The following ITGAM variants were observed in gnomAD, a reference collection of about 807,000 sequenced individuals.
The protein encoded by ITGAM is integrin alpha-M.
A neutral mutation model predicts 137.5 loss-of-function variants in ITGAM; 79 were observed. The observed-to-expected ratio is 0.57, with a 90% CI of 0.48 to 0.69. The LOEUF (loss-of-function observed/expected upper bound fraction) is 0.69, where lower values mean the gene tolerates loss of function less well. Among genes scored for constraint, ITGAM ranks in the 30% least tolerant of loss-of-function variants. The pLI is 0.00. For synonymous variants in ITGAM, 583 were observed against 592.3 expected (o/e 0.98, Z 0.23); for missense variants, 1,343 against 1,483.5 (o/e 0.91, Z 1.56).
At chr16:31,280,520 A>G (rs2079956963) in intron 12 of ITGAM, among the ~76,000 whole-genome samples, 1 of 152,168 alleles carries the variant, frequency 6.6e-6, no homozygotes, top group Non-Finnish European at 1.5e-5. Context: ...GAGTTCACTC[A>G]TGATTTAGCT....
chr16:31,302,584 G>A (rs2144402460), intron 14 of ITGAM, among the ~76,000 whole-genome samples: 1 of 151,110 alleles, frequency 6.6e-6, no homozygotes, highest in African/African-American at 2.4e-5. Context: ...GCCCAGGATG[G>A]AGTGCAGTGG....
rs775845981 is a variant in ITGAM at position 31,328,160 on chromosome 16, C to G, written c.2722C>G (p.Pro908Ala). The G allele has an allele frequency of 6.2e-7, 1 of 1,613,742 alleles. No individual in the cohort carries two copies. Among genetic ancestry groups the G allele is most frequent in the South Asian group, 1.1e-5 (1 of 91,082 alleles). ...CTTTCCCTCCAGTGAGAACAACATG[C>G]CCAGAACCAACAAAACCGAATTCCA... ...KANVTSENNMPRTNKTEFQLE... is the reference protein window; with the variant it reads ...KANVTSENNMARTNKTEFQLE... Residue 908 changes from proline (P) to alanine (A), a missense_variant, in exon 23 of 30, where the codon CCC (proline) becomes GCC (alanine). Physicochemically the swap from Pro to Ala is conservative, Grantham distance 27. Transcript: ENST00000544665.
chr16:31,330,704 A>G, intron 28 of ITGAM, 99 bp downstream of exon 28: 6 of 817,444 alleles, frequency 7.3e-6, no homozygotes, highest in Non-Finnish European at 1.1e-5. Context: ...AGAGGGAGAG[A>G]GAGAGACAGA....
At position 31,297,969 on chromosome 16, in the gene ITGAM, CTGTCCT is replaced by C; in HGVS notation, c.1707+20_1707+25del. On this transcript the variant is annotated intron_variant, in intron 14 of 29. Transcript: ENST00000544665. The stretch of plus-strand genomic sequence containing the variant: ...CCCATAGCCAGGTGAGACCTGGTCA[CTGTCCT>C]TGTCATGACAGTAGCCTCTTTGTTG... 1.3e-6 allele frequency: 2 copies of C among 1,596,992 alleles called. No individual in the cohort carries two copies. The highest frequency in any genetic ancestry group is 1.7e-6 in the Non-Finnish European group (2 of 1,164,620).
intron 19 of ITGAM, 21 bp from the exon 20 acceptor site, chr16:31,325,242 C>T (rs1202116484): frequency 8.1e-6 from 13 of 1,601,802 alleles, no homozygotes; most frequent in Non-Finnish European, 1.0e-5. Context: ...CATCCCCCGG[C>T]CTGTCTTCTT....
At position 31,297,696 on chromosome 16, in the gene ITGAM, G is replaced by A. The variant is rs1246459463; in HGVS notation, c.1497+42G>A. On this transcript the variant is annotated intron_variant, in intron 13 of 29. Coordinates refer to ENST00000544665, the MANE Select transcript of ITGAM (RefSeq NM_000632.4). ...CCTGGGCTGGGTGGGGCCCGGTGTG[G>A]GTGGAGGGGTCGCCTGGGTTGGGGC... 8 of 1,601,926 alleles carry A rather than the reference G, an allele frequency of 5.0e-6. No homozygotes were observed. In the Admixed American group the frequency reaches 9.0e-5, roughly 18 times the overall value.
Position 31,273,355 on chromosome 16 carries a change from T to A in ITGAM, c.705-10T>A. 1 of 1,612,160 alleles carries A rather than the reference T, an allele frequency of 6.2e-7. No individual in the cohort carries two copies. The highest frequency in any genetic ancestry group is 8.5e-7 in the Non-Finnish European group (1 of 1,179,044). The stretch of plus-strand genomic sequence containing the variant: ...TGCATTTGACTTTGTCCCTCCTGTT[T>A]CCTGCACAGACGAGAGCTGTTTAAC... On this transcript the variant is annotated splice_polypyrimidine_tract_variant and intron_variant, in intron 7 of 29. Transcript: ENST00000544665.
At chr16:31,265,727 G>A (rs1485801263) in intron 3 of ITGAM, 84 bp from the exon 4 acceptor site, 13 of 1,168,066 alleles carry the variant, frequency 1.1e-5, no homozygotes, top group Admixed American at 8.5e-5. Flanking sequence ...CTTGTCTCCC[G>A]CATGGAGGTG....
intron 12 of ITGAM, among the ~76,000 whole-genome samples, chr16:31,291,386 C>A (rs955961797): frequency 6.6e-6 from 1 of 152,104 alleles, no homozygotes; most frequent in African/African-American, 2.4e-5. Flanking sequence ...GTGGTAGTTC[C>A]ATTTTTAGTT....
intron 21 of ITGAM, 53 bp downstream of exon 21, chr16:31,325,675 C>A (rs1349421451): frequency 1.3e-6 from 2 of 1,579,140 alleles, no homozygotes; most frequent in African/African-American, 1.4e-5. Flanking sequence ...TTTGGGGATT[C>A]TTTTCTTCTT....
At chr16:31,288,732 G>T (rs191822647) in intron 12 of ITGAM, among the ~76,000 whole-genome samples, 266 of 152,190 alleles carry the variant, frequency 1.7e-3, no homozygotes, top group African/African-American at 6.3e-3. Context: ...CAAAAGCAAT[G>T]GCAACAAAAG....
intron 12 of ITGAM, among the ~76,000 whole-genome samples, chr16:31,294,807 T>C (rs975444889): frequency 2.0e-5 from 3 of 152,178 alleles, no homozygotes; most frequent in Non-Finnish European, 4.4e-5. Flanking sequence ...GAAGCTTGAT[T>C]GTCAAGAAGC....
intron 14 of ITGAM, among the ~76,000 whole-genome samples, chr16:31,306,243 T>G (rs2080263478): frequency 6.6e-6 from 1 of 152,186 alleles, no homozygotes; most frequent in Admixed American, 6.5e-5. Context: ...AATGAGGAAT[T>G]TTTTTGACGC....
In ITGAM at chr16:31,265,825, G is replaced by A. The variant is rs1478334387; in HGVS notation, c.253G>A (p.Val85Met). Residue 85 changes from valine to methionine, a missense_variant, in exon 4 of 30, where the codon GTG (valine) becomes ATG (methionine). Val to Met is a conservative substitution (Grantham distance 21, BLOSUM62 1). Coordinates refer to ENST00000544665, the MANE Select transcript of ITGAM (RefSeq NM_000632.4). ...PIRLQVPVEA[V>M]NMSLGLSLAA... ...TGTCCCCGCAGTCCCCGTGGAGGCCGTGAACATGTCCCTGGGCCTGTCCCT... is the reference window on the plus strand; with the variant it reads ...TGTCCCCGCAGTCCCCGTGGAGGCCATGAACATGTCCCTGGGCCTGTCCCT... 1.1e-5 allele frequency: 18 copies of A among 1,613,776 alleles called. No individual in the cohort carries two copies. Among genetic ancestry groups the A allele is most frequent in the Admixed American group, 6.7e-5 (4 of 59,984 alleles).
At chr16:31,329,355 G>T in intron 24 of ITGAM, 52 bp downstream of exon 24, 1 of 1,320,620 alleles carries the variant, frequency 7.6e-7, no homozygotes, top group Non-Finnish European at 1.1e-6. Context: ...GAGGAAAATC[G>T]ATGGTAGAAA....
chr16:31,261,780 C>G lies in ITGAM; in HGVS notation c.117C>G (p.Val39=), dbSNP rs1280919915. The G allele has an allele frequency of 6.2e-7, 1 of 1,612,216 alleles. No homozygotes were observed. The highest frequency in any genetic ancestry group is 8.5e-7 in the Non-Finnish European group (1 of 1,178,900). ...CAAGGGGCTTCGGGCAGAGCGTGGT[C>G]CAGCTTCAGGGATCCAGGTGAGACC... is the stretch of plus-strand genomic sequence containing the variant. ...ENARGFGQSV[V]QLQGSRVVVG... Residue 39 remains valine, a synonymous_variant, in exon 2 of 30, where the codon GTC becomes GTG. Coordinates refer to ENST00000544665, the MANE Select transcript of ITGAM (RefSeq NM_000632.4).
intron 12 of ITGAM, among the ~76,000 whole-genome samples, chr16:31,291,359 TG>T: frequency 6.6e-6 from 1 of 152,184 alleles, no homozygotes; most frequent in Non-Finnish European, 1.5e-5. Context: ...TACCCAGCAC[TG>T]GGATTGCTGG....
intron 23 of ITGAM, 155 bp from the exon 24 acceptor site, chr16:31,329,073 T>TGCCCCCCCCC: frequency 1.9e-5 from 8 of 426,234 alleles, no homozygotes; most frequent in Middle Eastern, 6.2e-4. Context: ...ACACATTGGT[T>TGCCCCCCCCC]CCCCCATCCC....
At chr16:31,327,941 C>T (rs866052116) in intron 22 of ITGAM, 4 of 568,332 alleles carry the variant, frequency 7.0e-6, no homozygotes, top group South Asian at 6.3e-5. Flanking sequence ...TTCAGGGGAC[C>T]AGTTAGAAGA....
Sources: gnomAD v4.1 joint callset for allele counts (sites outside exome capture counted in the v4.1 genomes callset) on GRCh38, gnomAD v4.1.1 for gene constraint, MANE v1.5 for transcripts, NCBI Gene and HGNC (gene_info 2026-07-23, HGNC 2026-07-21) for gene names.